The following CHRNA4 variants were observed in gnomAD, a reference collection of about 807,000 sequenced individuals.
CHRNA4 encodes neuronal acetylcholine receptor subunit alpha-4.
A neutral mutation model predicts 48.9 loss-of-function variants in CHRNA4; 28 were observed. That is an observed-to-expected ratio of 0.57 (90% CI 0.42 to 0.79). CHRNA4 has a LOEUF of 0.79. Among genes scored for constraint, CHRNA4 ranks in the 30% least tolerant of loss-of-function variants. CHRNA4 has a pLI of 0.00. For missense variants in CHRNA4, 859 were observed against 898.4 expected (o/e 0.96, Z 0.56); for synonymous variants, 425 against 402.3 (o/e 1.06, Z -0.68).
rs1568811997 is a variant in CHRNA4 at position 63,351,232 on chromosome 20, A to ACGTC, written c.384-206_384-205insGACG. The ACGTC allele has an allele frequency of 1.9e-4, 95 of 502,890 alleles. 1 individual carries two copies. Among genetic ancestry groups the ACGTC allele is most frequent in the Non-Finnish European group, 2.5e-4 (69 of 273,344 alleles). The allele number at this position is 502,890 out of a possible 1,614,324, so 31.2% of individuals were successfully genotyped here. On this transcript the variant is annotated intron_variant, in intron 4 of 5. Coordinates refer to ENST00000370263, the MANE Select transcript of CHRNA4 (RefSeq NM_000744.7). ...CACGTCCACGTCCACGCCCACATCC[A>ACGTC]CACCCACGTCCACGTCCACGTCCAC...
chr20:63,355,406 G>A, intron 4 of CHRNA4: 1 of 809,630 alleles, frequency 1.2e-6, no homozygotes, highest in South Asian at 1.4e-5. Flanking sequence ...TGTTTGCTGG[G>A]GACCTGGCGT....
At chr20:63,348,266 C>A (rs2068527405) in intron 5 of CHRNA4, among the ~76,000 whole-genome samples, 1 of 152,262 alleles carries the variant, frequency 6.6e-6, no homozygotes, top group African/African-American at 2.4e-5. Context: ...GATCAAACAC[C>A]TAAATGCATC....
chr20:63,360,662 A>C (rs1340679798), intron 1 of CHRNA4, among the ~76,000 whole-genome samples: 2 of 152,180 alleles, frequency 1.3e-5, no homozygotes, highest in African/African-American at 4.8e-5. Flanking sequence ...TCCTTCCTGC[A>C]GAAAAGGTGG....
Position 63,345,599 on chromosome 20 carries a change from G to T in CHRNA4, c.*1139C>A, listed in dbSNP as rs1325046400. Reference sequence around the variant, plus strand: ...GAGCTCTGCCTGCCCTGCCAGGACGGAGGGCATGGGCCTGTGTGGAAACCC... The same window carrying T: ...GAGCTCTGCCTGCCCTGCCAGGACGTAGGGCATGGGCCTGTGTGGAAACCC... On this transcript the variant is annotated 3_prime_UTR_variant, in exon 6 of 6. Transcript: ENST00000370263. The surrounding 1 kb of genome is among the most constrained non-coding windows in gnomAD (Gnocchi z 5.4). 4.4e-6 allele frequency: 2 copies of T among 450,286 alleles called. No individual in the cohort carries two copies. The highest frequency in any genetic ancestry group is 8.9e-6 in the Non-Finnish European group (2 of 223,846). The allele number at this position is 450,286 out of a possible 1,614,324, so 27.9% of individuals were successfully genotyped here.
rs746728958 is a variant in CHRNA4 at position 63,350,520 on chromosome 20, C to T, written c.891G>A (p.Pro297=). 4.3e-6 allele frequency: 7 copies of T among 1,613,482 alleles called. No homozygotes were observed. Among genetic ancestry groups the T allele is most frequent in the East Asian group, 2.2e-5 (1 of 44,874 alleles). The change falls in exon 5 of 6, where the codon CCG becomes CCA. Residue 297 remains proline, a synonymous_variant. Coordinates refer to ENST00000370263, the MANE Select transcript of CHRNA4 (RefSeq NM_000744.7). ...TGAGTGGGATGACCAGTGAGGTGGA[C>T]GGGATGATCTCGGTGATGAGCAGCA... ...VFLLLITEII[P]STSLVIPLIG... is the part of the protein sequence containing the mutation.
intron 4 of CHRNA4, chr20:63,351,234 A>ATG: frequency 8.4e-6 from 3 of 355,930 alleles, no homozygotes; most frequent in African/African-American, 9.7e-5. Context: ...CCACATCCAC[A>ATG]CCCACGTCCA....
rs201575409 is a variant in CHRNA4, at chr20:63,359,678, C to T, written c.98G>A (p.Arg33Gln). 8 of 1,611,366 alleles carry T rather than the reference C, an allele frequency of 5.0e-6. No individual in the cohort carries two copies. Among genetic ancestry groups the T allele is most frequent in the South Asian group, 3.3e-5 (3 of 91,020 alleles). The part of the protein sequence containing the change: ...LLRASSHVET[R>Q]AHAEERLLKK... ...CAGGAGCCGCTCCTCGGCGTGGGCC[C>T]GGGTCTCCACATGGCTGCTGGCTGC... The change falls in exon 2 of 6, where the codon CGG becomes CAG. Residue 33 changes from arginine (R) to glutamine (Q), a missense_variant. By Grantham distance (43) the Arg-to-Gln change is conservative (BLOSUM62 1). Transcript: ENST00000370263.
chr20:63,346,713 G>T lies in CHRNA4; in HGVS notation c.*25C>A. 6.3e-7 allele frequency: 1 copy of T among 1,596,652 alleles called. No individual in the cohort carries two copies. Among genetic ancestry groups the T allele is most frequent in the South Asian group, 1.1e-5 (1 of 90,222 alleles). ...GCTGGCCCCGTGCACGGCAGCCCCA[G>T]GCCACGCAGGCTCCCGGTCCCTTCC... On this transcript the variant is annotated 3_prime_UTR_variant, in exon 6 of 6. Coordinates refer to ENST00000370263, the MANE Select transcript of CHRNA4 (RefSeq NM_000744.7).
rs368843079 is a variant in CHRNA4, at chr20:63,343,651, A to AGGCC, written c.*3083_*3086dup. The AGGCC allele has an allele frequency of 2.4e-4, 106 of 450,244 alleles. 1 individual carries two copies. Among genetic ancestry groups the AGGCC allele is most frequent in the African/African-American group, 1.9e-3 (97 of 50,006 alleles). The allele number at this position is 450,244 out of a possible 1,614,324, so 27.9% of individuals were successfully genotyped here. On this transcript the variant is annotated 3_prime_UTR_variant, in exon 6 of 6. Transcript: ENST00000370263. Reference sequence around the variant, plus strand: ...AGGCCGGGCCACACGGGAAGCACCCAGGCCGGTCCGGAGGCAGAAGGGGCT... The same window carrying AGGCC: ...AGGCCGGGCCACACGGGAAGCACCCAGGCCGGCCGGTCCGGAGGCAGAAGGGGCT...
intron 5 of CHRNA4, 133 bp downstream of exon 5, chr20:63,349,520 G>A: frequency 8.6e-7 from 1 of 1,161,988 alleles, no homozygotes; most frequent in East Asian, 2.4e-5. Flanking sequence ...TGCAGCAGGG[G>A]CCACGCCCTG....
intron 4 of CHRNA4, chr20:63,351,240 GT>G: frequency 4.2e-6 from 2 of 471,950 alleles, no homozygotes; most frequent in Non-Finnish European, 7.7e-6. Context: ...CCACACCCAC[GT>G]CCACGTCCAC....
At position 63,343,774 on chromosome 20, in the gene CHRNA4, T is replaced by C. The variant is rs200021735; in HGVS notation, c.*2964A>G. The C allele has an allele frequency of 1.4e-4, 65 of 453,406 alleles. No homozygotes were observed. The highest frequency in any genetic ancestry group is 1.0e-3 in the South Asian group (65 of 64,470). 28.1% of individuals were successfully genotyped at this position (453,406 alleles called of 1,614,324 possible). On this transcript the variant is annotated 3_prime_UTR_variant, in exon 6 of 6. Coordinates refer to ENST00000370263, the MANE Select transcript of CHRNA4 (RefSeq NM_000744.7). ...AGAGGGGCCGGCGCCCCGGCAGGCT[T>C]CGAGCTGCAGCAGTGTCTCCCGCTG...
At chr20:63,351,549 C>T (rs1017015417) in intron 4 of CHRNA4, among the ~76,000 whole-genome samples, 4 of 152,212 alleles carry the variant, frequency 2.6e-5, no homozygotes, top group Non-Finnish European at 4.4e-5. Context: ...AGCAGCACCC[C>T]GGGCCACCAT....
chr20:63,347,824 A>T (rs1295194587), intron 5 of CHRNA4, among the ~76,000 whole-genome samples: 1 of 152,162 alleles, frequency 6.6e-6, no homozygotes, highest in Non-Finnish European at 1.5e-5. Flanking sequence ...GCCTGGGCAC[A>T]CTGTGGGGAC....
chr20:63,353,499 A>AG (rs1202964162), intron 4 of CHRNA4, among the ~76,000 whole-genome samples: 12 of 11,624 alleles, frequency 1.0e-3, no homozygotes, highest in Non-Finnish European at 3.2e-4. Flanking sequence ...CTGTGGTCCT[A>AG]GGGGGGGCTG....
rs1231905328 is a variant in CHRNA4 at position 63,350,845 on chromosome 20, A to G, written c.566T>C (p.Ile189Thr). ...FGSWTYDKAK[I>T]DLVNMHSRVD... ...GCGGCTGTGCATGTTCACCAGGTCG[A>G]TCTTGGCCTTGTCGTAGGTCCAGGA... The change falls in exon 5 of 6, where the codon ATC (isoleucine) becomes ACC (threonine). Residue 189 changes from isoleucine to threonine, a missense_variant. By Grantham distance (89) the Ile-to-Thr change is moderately conservative. Transcript: ENST00000370263. 2.5e-6 allele frequency: 4 copies of G among 1,613,938 alleles called. No homozygotes were observed. Among genetic ancestry groups the G allele is most frequent in the Non-Finnish European group, 3.4e-6 (4 of 1,180,010 alleles).
rs121912267 is a variant in CHRNA4 at position 63,350,302 on chromosome 20, C to T, written c.1109G>A (p.Arg370Gln). Residue 370 changes from arginine to glutamine, a missense_variant, in exon 5 of 6, where the codon CGG becomes CAG. Arg to Gln is a conservative substitution (Grantham distance 43). Coordinates refer to ENST00000370263, the MANE Select transcript of CHRNA4 (RefSeq NM_000744.7). ...RPSVVKDNCRRLIESMHKMAS... is the reference protein window; with the variant it reads ...RPSVVKDNCRQLIESMHKMAS... ...CATCTTATGCATGGACTCGATGAGCCGCCGGCAATTGTCCTTGACCACGGA... is the reference window on the plus strand; with the variant it reads ...CATCTTATGCATGGACTCGATGAGCTGCCGGCAATTGTCCTTGACCACGGA... 42 of 1,612,870 alleles carry T rather than the reference C, an allele frequency of 2.6e-5. 1 individual carries two copies. Among genetic ancestry groups the T allele is most frequent in the Middle Eastern group, 3.3e-4 (2 of 6,084 alleles).
chr20:63,351,148 C>T (rs2068595733), intron 4 of CHRNA4, 121 bp from the exon 5 acceptor site: 14 of 929,264 alleles, frequency 1.5e-5, no homozygotes, highest in East Asian at 5.4e-5. Flanking sequence ...CCCACATCCA[C>T]GTCCACGCCC....
rs1406383934 is a variant in CHRNA4 at position 63,350,991 on chromosome 20, C to T, written c.420G>A (p.Lys140=). 6.2e-7 allele frequency: 1 copy of T among 1,613,604 alleles called. No homozygotes were observed. Among genetic ancestry groups the T allele is most frequent in the East Asian group, 2.2e-5 (1 of 44,878 alleles). The part of the protein sequence containing the change: ...DGDFAVTHLT[K]AHLFHDGRVQ... ...CCCGCCCGTCATGGAACAGGTGGGC[C>T]TTGGTCAGGTGGGTGACCGCGAAGT... Residue 140 remains lysine, a synonymous_variant, in exon 5 of 6, where the codon AAG becomes AAA. Coordinates refer to ENST00000370263, the MANE Select transcript of CHRNA4 (RefSeq NM_000744.7).
Sources: allele counts gnomAD v4.1 joint callset (sites outside exome capture counted in the v4.1 genomes callset), GRCh38; gene constraint gnomAD v4.1.1; non-coding constraint Gnocchi (gnomAD v3.1); transcripts MANE v1.5; gene names NCBI Gene and HGNC (gene_info 2026-07-23, HGNC 2026-07-21).